NBEA: variants seen among roughly 807,000 people sequenced by gnomAD.
The protein encoded by NBEA is neurobeachin, also known as lysosomal-trafficking regulator 2.
A neutral mutation model predicts 343.4 loss-of-function variants in NBEA; 44 were observed. The ratio of observed to expected loss-of-function variants is 0.13; its 90% CI spans 0.10 to 0.16. NBEA has a LOEUF of 0.16. NBEA is among the 10% of genes least tolerant of loss of function. The pLI, the probability that NBEA is intolerant of heterozygous loss-of-function variation, is 1.00. For synonymous variants in NBEA, 1,175 were observed against 1,238.7 expected (o/e 0.95, Z 1.08); for missense variants, 2,555 against 3,631.3 (o/e 0.70, Z 7.62).
chr13:35,400,196 TAAAAAAAA>T (rs71081251), intron 38 of NBEA, among the ~76,000 whole-genome samples: 5 of 78,226 alleles, frequency 6.4e-5, no homozygotes, highest in South Asian at 1.2e-3. Flanking sequence ...CTTCAATTTG[TAAAAAAAA>T]AAAAAAAAAA....
intron 40 of NBEA, among the ~76,000 whole-genome samples, chr13:35,467,605 T>G (rs1177358468): frequency 6.6e-6 from 1 of 152,230 alleles, no homozygotes; most frequent in Non-Finnish European, 1.5e-5. Flanking sequence ...ATTATATTTT[T>G]GTCCTGATTT....
chr13:35,472,294 T>A (rs1367757051), intron 40 of NBEA, 106 bp from the exon 41 acceptor site: 4 of 1,283,156 alleles, frequency 3.1e-6, no homozygotes, highest in Non-Finnish European at 4.2e-6. Flanking sequence ...ACAGGCACCA[T>A]TTTTTCTAGT....
chr13:35,101,536 T>A (rs560813180), intron 11 of NBEA, among the ~76,000 whole-genome samples: 7 of 151,906 alleles, frequency 4.6e-5, no homozygotes, highest in Admixed American at 1.3e-4. Context: ...CCTTTGCCCA[T>A]TTAATAATTG....
intron 10 of NBEA, 57 bp downstream of exon 10, chr13:35,070,909 A>G (rs1238502477): frequency 6.3e-7 from 1 of 1,584,484 alleles, no homozygotes; most frequent in Non-Finnish European, 8.6e-7. Flanking sequence ...AAGACTATGC[A>G]TGATGTACTC....
chr13:35,509,373 C>CAGAG (rs112003801), intron 41 of NBEA, among the ~76,000 whole-genome samples: 1 of 149,916 alleles, frequency 6.7e-6, no homozygotes, highest in African/African-American at 2.4e-5. Flanking sequence ...TGTGTAGAGT[C>CAGAG]AGAGAGAGAG....
intron 31 of NBEA, among the ~76,000 whole-genome samples, chr13:35,199,704 A>AGG (rs1242957949): frequency 1.3e-5 from 2 of 152,136 alleles, no homozygotes; most frequent in Non-Finnish European, 2.9e-5. Flanking sequence ...CTCACCCCTT[A>AGG]GGATGGAGCA....
At chr13:35,485,663 A>G (rs996946263) in intron 41 of NBEA, among the ~76,000 whole-genome samples, 7 of 152,096 alleles carry the variant, frequency 4.6e-5, no homozygotes, top group Non-Finnish European at 8.8e-5. Context: ...TCAGCTAATG[A>G]TGACAAATGC....
intron 1 of NBEA, among the ~76,000 whole-genome samples, chr13:35,002,946 T>A (rs1270937771): frequency 6.6e-6 from 1 of 152,136 alleles, no homozygotes; most frequent in Non-Finnish European, 1.5e-5. Flanking sequence ...GTTTGAAGTG[T>A]TGGTTGTGCA....
chr13:35,298,209 GTGTATATATATATATATATA>G (rs1203247468), intron 35 of NBEA, among the ~76,000 whole-genome samples: 39 of 60,838 alleles, frequency 6.4e-4, no homozygotes, highest in African/African-American at 1.5e-3. Context: ...GTGTGTGTGT[GTGTATATATATATATATATA>G]TATATATATA....
chr13:35,039,487 AT>A (rs1043208908), intron 1 of NBEA, among the ~76,000 whole-genome samples: 1 of 152,078 alleles, frequency 6.6e-6, no homozygotes, highest in African/African-American at 2.4e-5. Context: ...TGAGATTGTA[AT>A]GTTTATATGA....
intron 35 of NBEA, among the ~76,000 whole-genome samples, chr13:35,309,124 G>T (rs944941925): frequency 6.6e-6 from 1 of 151,922 alleles, no homozygotes. Flanking sequence ...TATATTTCTA[G>T]TATTCATTTT....
chr13:35,648,180 CTTTTTTTTTTTTTTT>C (rs949635885), intron 51 of NBEA, among the ~76,000 whole-genome samples: 1 of 104,154 alleles, frequency 9.6e-6, no homozygotes, highest in Non-Finnish European at 1.9e-5. Flanking sequence ...TGTTTAAACT[CTTTTTTTTTTTTTTT>C]TTTTTTTTTT....
chr13:35,250,052 GTTA>G (rs1566518551), intron 34 of NBEA, among the ~76,000 whole-genome samples: 2 of 152,124 alleles, frequency 1.3e-5, no homozygotes, highest in African/African-American at 4.8e-5. Flanking sequence ...AAAGTAGAAT[GTTA>G]TTTGCCAGTG....
chr13:35,240,717 G>A (rs1478700468), intron 34 of NBEA, among the ~76,000 whole-genome samples: 5 of 151,560 alleles, frequency 3.3e-5, no homozygotes, highest in African/African-American at 1.2e-4. Context: ...TATGATTTAG[G>A]TATTAAAAAC....
At chr13:35,131,349 A>T (rs1267965721) in intron 17 of NBEA, among the ~76,000 whole-genome samples, 2 of 152,160 alleles carry the variant, frequency 1.3e-5, no homozygotes, top group Non-Finnish European at 2.9e-5. Flanking sequence ...TTACTTTTTT[A>T]AAAGTATACA....
intron 31 of NBEA, among the ~76,000 whole-genome samples, chr13:35,199,852 G>A (rs74575058): frequency 0.034 from 5,121 of 152,008 alleles, 178 homozygotes; most frequent in East Asian, 0.14. Flanking sequence ...TTACATAAAT[G>A]TTCTGTACAT....
chr13:35,526,060 G>C (rs2077959772), intron 41 of NBEA, among the ~76,000 whole-genome samples: 1 of 152,166 alleles, frequency 6.6e-6, no homozygotes, highest in Non-Finnish European at 1.5e-5. Context: ...TAAGTTAACA[G>C]TTCTAAGTCT....
chr13:35,079,149 A>G (rs1484176503), intron 10 of NBEA, among the ~76,000 whole-genome samples: 1 of 152,208 alleles, frequency 6.6e-6, no homozygotes, highest in Admixed American at 6.5e-5. Context: ...AGACAATACT[A>G]TCAGAATTTA....
intron 37 of NBEA, among the ~76,000 whole-genome samples, chr13:35,350,728 A>T (rs796699619): frequency 7.3e-6 from 1 of 137,846 alleles, no homozygotes; most frequent in African/African-American, 2.6e-5. Context: ...AGAGCTATTG[A>T]TGTGTGTGTG....
Sources: gnomAD v4.1 joint callset for allele counts (sites outside exome capture counted in the v4.1 genomes callset) on GRCh38, gnomAD v4.1.1 for gene constraint, MANE v1.5 for transcripts, NCBI Gene and HGNC (gene_info 2026-07-23, HGNC 2026-07-21) for gene names.